Variants in TLE4 observed in about 807,000 individuals in gnomAD.
TLE4 encodes the protein TLE family member 4, transcriptional corepressor, also known as transducin-like enhancer protein 4.
Under a neutral mutation model 92.8 loss-of-function variants are expected in TLE4, and 8 were observed. The ratio of observed to expected loss-of-function variants is 0.09; its 90% CI spans 0.05 to 0.16. The LOEUF (loss-of-function observed/expected upper bound fraction) is 0.16. TLE4 is among the 10% of genes least tolerant of loss of function. TLE4 has a pLI of 1.00. For missense variants in TLE4, 675 were observed against 997.6 expected (o/e 0.68, Z 4.36); for synonymous variants, 371 against 374.1 (o/e 0.99, Z 0.10).
At chr9:79,606,700 A>C (rs1053714659) in intron 4 of TLE4, among the ~76,000 whole-genome samples, 2 of 152,144 alleles carry the variant, frequency 1.3e-5, no homozygotes, top group Non-Finnish European at 1.5e-5. Flanking sequence ...TGCAAAGGAC[A>C]TGAACTCGTC....
chr9:79,588,887 T>C (rs1406843347), intron 4 of TLE4, among the ~76,000 whole-genome samples: 1 of 152,210 alleles, frequency 6.6e-6, no homozygotes, highest in African/African-American at 2.4e-5. Context: ...ACTGGTTCAA[T>C]GAGGAAACTG....
chr9:79,573,616 A>G, intron 1 of TLE4, 73 bp from the exon 2 acceptor site: 1 of 1,278,946 alleles, frequency 7.8e-7, no homozygotes, highest in Non-Finnish European at 1.1e-6. Context: ...CTAACGCCGC[A>G]TAGTAGGTTT....
intron 8 of TLE4, among the ~76,000 whole-genome samples, chr9:79,693,006 G>C (rs1386923067): frequency 3.9e-5 from 6 of 152,166 alleles, no homozygotes; most frequent in Admixed American, 3.9e-4. Context: ...ATAAATGTTG[G>C]AGCTGAGGAT....
At chr9:79,622,554 C>A (rs1021807566) in intron 5 of TLE4, among the ~76,000 whole-genome samples, 2 of 152,112 alleles carry the variant, frequency 1.3e-5, no homozygotes, top group Non-Finnish European at 2.9e-5. Context: ...TGGGTAGCAT[C>A]CTGTAATTTT....
At chr9:79,618,487 T>C (rs534944324) in intron 5 of TLE4, among the ~76,000 whole-genome samples, 7 of 152,348 alleles carry the variant, frequency 4.6e-5, no homozygotes, top group East Asian at 1.9e-4. Context: ...GTGTTTCTTA[T>C]GACCAGTGGC....
intron 4 of TLE4, among the ~76,000 whole-genome samples, chr9:79,604,258 G>A (rs1421073752): frequency 6.6e-6 from 1 of 152,126 alleles, no homozygotes; most frequent in African/African-American, 2.4e-5. Flanking sequence ...AAGTGCAAAT[G>A]CTAGGAAGAG....
In TLE4 at chr9:79,613,359, G is replaced by T. The variant is rs115781267; in HGVS notation, c.315+641G>T. On this transcript the variant is annotated intron_variant, in intron 5 of 19. Transcript: ENST00000376552. ...ACTAGTTCTCTTGCTCACCTACAGG[G>T]GAAGTGCATGCCATCAGCAAACAGG... 6.8e-3 allele frequency among the ~76,000 whole-genome samples: 1,038 copies of T among 152,148 alleles called. 14 individuals carry two copies. The highest frequency in any genetic ancestry group is 0.023 in the African/African-American group (956 of 41,512).
intron 4 of TLE4, among the ~76,000 whole-genome samples, chr9:79,606,330 G>T (rs916438603): frequency 9.0e-6 from 1 of 111,688 alleles, no homozygotes; most frequent in African/African-American, 4.3e-5. Flanking sequence ...TTCCAGTCAG[G>T]CTTTTTTTTT....
rs2071115304 is a variant in TLE4, at chr9:79,704,998, A to AG, written c.729+98dup. On this transcript the variant is annotated intron_variant, in intron 9 of 19. Transcript: ENST00000376552. ...CTATTACCAGCCAACACAGGAACAC[A>AG]GGATAACATCCTTTAGGAGACAAAA... 4 of 1,532,550 alleles carry AG rather than the reference A, an allele frequency of 2.6e-6. No individual in the cohort carries two copies. In the African/African-American group the frequency reaches 5.5e-5, roughly 21 times the overall value. The allele number at this position is 1,532,550 out of a possible 1,614,324, so 94.9% of individuals were successfully genotyped here. A position where few individuals can be genotyped will look rare whatever the true frequency, so the allele number is the denominator to read the frequency against.
rs2075872219 is a variant in TLE4, at chr9:79,722,952, C to T, written c.2138-7C>T. On this transcript the variant is annotated splice_region_variant and splice_polypyrimidine_tract_variant and intron_variant, in intron 18 of 19. Transcript: ENST00000376552. Reference sequence around the variant, plus strand: ...ACATTGCCTTTTTCAAAACCCTTTACCTATAGGCAAATGGTTTGTAAGCAC... The same window carrying T: ...ACATTGCCTTTTTCAAAACCCTTTATCTATAGGCAAATGGTTTGTAAGCAC... 1 of 1,613,884 alleles carries T rather than the reference C, an allele frequency of 6.2e-7. No individual in the cohort carries two copies.
chr9:79,603,830 G>T (rs2046227554), intron 4 of TLE4, among the ~76,000 whole-genome samples: 1 of 152,142 alleles, frequency 6.6e-6, no homozygotes, highest in Non-Finnish European at 1.5e-5. Flanking sequence ...AGCCACTGGG[G>T]CTATAAGACA....
chr9:79,573,281 G>A, intron 1 of TLE4: 1 of 1,030,462 alleles, frequency 9.7e-7, no homozygotes, highest in Non-Finnish European at 1.2e-6. Flanking sequence ...AACGAGCCGA[G>A]AGGGTGGCGG....
intron 16 of TLE4, among the ~76,000 whole-genome samples, chr9:79,720,579 G>T (rs10512090): frequency 6.6e-6 from 1 of 151,710 alleles, no homozygotes; most frequent in East Asian, 1.9e-4. Flanking sequence ...CTAAAGCATC[G>T]CCAATTTGTT....
intron 4 of TLE4, among the ~76,000 whole-genome samples, chr9:79,587,135 T>TGGAA (rs2041322038): frequency 6.6e-6 from 1 of 152,266 alleles, no homozygotes. Context: ...AAACAATGCC[T>TGGAA]GGAATATAGT....
intron 14 of TLE4, chr9:79,717,937 T>A (rs2074874287): frequency 2.2e-6 from 1 of 456,116 alleles, no homozygotes; most frequent in Non-Finnish European, 4.4e-6. Flanking sequence ...CTGACTTCAG[T>A]GCCCTAAAAA....
At chr9:79,573,559 A>G in intron 1 of TLE4, 130 bp from the exon 2 acceptor site, 1 of 827,952 alleles carries the variant, frequency 1.2e-6, no homozygotes, top group Non-Finnish European at 1.7e-6. Context: ...GCGGGAGGAG[A>G]GTTTTAATCT....
At position 79,663,285 on chromosome 9, in the gene TLE4, A is replaced by G. The variant is rs572272896; in HGVS notation, c.609+9210A>G. 1.2e-4 allele frequency among the ~76,000 whole-genome samples: 18 copies of G among 152,340 alleles called. No homozygotes were observed. In the South Asian group the frequency reaches 3.7e-3, roughly 32 times the overall value. On this transcript the variant is annotated intron_variant, in intron 8 of 19. Transcript: ENST00000376552. ...TAAAAACATAGATAGTTGTCTGGTAAGCCTCTGAGGCTGCCCTGTCCAATA... is the reference window on the plus strand; with the variant it reads ...TAAAAACATAGATAGTTGTCTGGTAGGCCTCTGAGGCTGCCCTGTCCAATA...
At chr9:79,574,663 A>G (rs1040990719) in intron 2 of TLE4, among the ~76,000 whole-genome samples, 5 of 152,206 alleles carry the variant, frequency 3.3e-5, no homozygotes, top group African/African-American at 1.2e-4. Flanking sequence ...AAAATCCTAA[A>G]AACAAAAAAC....
intron 6 of TLE4, among the ~76,000 whole-genome samples, chr9:79,636,584 G>T (rs1362742836): frequency 6.6e-6 from 1 of 152,112 alleles, no homozygotes; most frequent in Non-Finnish European, 1.5e-5. Context: ...TCCTAGAGTG[G>T]TCTTCCTTAT....
Sources: gnomAD v4.1 joint callset for allele counts (sites outside exome capture counted in the v4.1 genomes callset) on GRCh38, gnomAD v4.1.1 for gene constraint, MANE v1.5 for transcripts, NCBI Gene and HGNC (gene_info 2026-07-23, HGNC 2026-07-21) for gene names.